Variants in VWA3B observed in about 807,000 individuals in gnomAD.
The protein encoded by VWA3B is von Willebrand factor A domain-containing protein 3B.
Under a neutral mutation model 158.3 loss-of-function variants are expected in VWA3B, and 138 were observed. That is an observed-to-expected ratio of 0.87 (90% CI 0.76 to 1.00). VWA3B has a LOEUF of 1.00. Among genes scored for constraint, VWA3B ranks in the 50% least tolerant of loss-of-function variants. The pLI, the probability that VWA3B is intolerant of heterozygous loss-of-function variation, is 0.00. For missense variants in VWA3B, 1,555 were observed against 1,565.1 expected (o/e 0.99, Z 0.11); for synonymous variants, 596 against 587.3 (o/e 1.01, Z -0.21).
At chr2:98,124,278 AG>A (rs1184595066) in intron 5 of VWA3B, among the ~76,000 whole-genome samples, 1 of 152,212 alleles carries the variant, frequency 6.6e-6, no homozygotes, top group Admixed American at 6.5e-5. Flanking sequence ...TTTGAGGGGA[AG>A]ATGTGGGTCC....
intron 8 of VWA3B, among the ~76,000 whole-genome samples, chr2:98,172,845 A>G (rs75189669): frequency 6.6e-6 from 1 of 152,188 alleles, no homozygotes; most frequent in East Asian, 1.9e-4. Flanking sequence ...GAAATAAAGG[A>G]CGCAATTGAC....
chr2:98,281,063 A>G (rs984476315), intron 22 of VWA3B, among the ~76,000 whole-genome samples: 1 of 152,136 alleles, frequency 6.6e-6, no homozygotes, highest in African/African-American at 2.4e-5. Flanking sequence ...CGCCCCGGAG[A>G]TGCTGGGCAG....
intron 7 of VWA3B, among the ~76,000 whole-genome samples, chr2:98,150,786 A>G (rs1339600546): frequency 6.6e-6 from 1 of 152,202 alleles, no homozygotes; most frequent in Non-Finnish European, 1.5e-5. Context: ...TCTCCGCACC[A>G]TCCTCTGACA....
At chr2:98,106,236 T>G (rs1225701472) in intron 2 of VWA3B, among the ~76,000 whole-genome samples, 1 of 152,164 alleles carries the variant, frequency 6.6e-6, no homozygotes, top group African/African-American at 2.4e-5. Context: ...ATTTGTTCTA[T>G]TCATCTGTGT....
At chr2:98,205,341 T>C (rs965046611) in intron 12 of VWA3B, among the ~76,000 whole-genome samples, 1 of 152,224 alleles carries the variant, frequency 6.6e-6, no homozygotes, top group African/African-American at 2.4e-5. Flanking sequence ...TATTCTCTTA[T>C]TGTCCTGTCA....
At position 98,297,946 on chromosome 2, in the gene VWA3B, T is replaced by G; in HGVS notation, c.3197T>G (p.Val1066Gly). 6.3e-7 allele frequency: 1 copy of G among 1,585,122 alleles called. No individual in the cohort carries two copies. Among genetic ancestry groups the G allele is most frequent in the Non-Finnish European group, 8.6e-7 (1 of 1,165,356 alleles). Residue 1066 changes from valine (V) to glycine (G), a missense_variant, in exon 24 of 28, where the codon GTG (valine) becomes GGG (glycine). Physicochemically the swap from Val to Gly is moderately radical, Grantham distance 109. Coordinates refer to ENST00000477737, the MANE Select transcript of VWA3B (RefSeq NM_144992.5). ...KKCVSRTQALVGFSYGDTKVV... is the reference protein window; with the variant it reads ...KKCVSRTQALGGFSYGDTKVV... Reference sequence around the variant, plus strand: ...TGTGTGAGCCGCACCCAAGCACTGGTGGGCTTCAGTTACGGAGACACCAAG... The same window carrying G: ...TGTGTGAGCCGCACCCAAGCACTGGGGGGCTTCAGTTACGGAGACACCAAG...
intron 8 of VWA3B, among the ~76,000 whole-genome samples, chr2:98,165,926 G>T (rs889576657): frequency 1.3e-5 from 2 of 152,208 alleles, no homozygotes; most frequent in African/African-American, 4.8e-5. Flanking sequence ...CAAAGAGAAT[G>T]GGGAGCCTGC....
rs1338475590 is a variant in VWA3B, at chr2:98,193,618, T to C, written c.1605+582T>C. Among the ~76,000 whole-genome samples the C allele has an allele frequency of 2.6e-5, 4 of 151,358 alleles. No homozygotes were observed. The East Asian group carries it at 5.8e-4, about 22-fold the overall frequency. ...ATGCACTTTTTTTTTTTTTTTGAGA[T>C]GGAGTCTCACTGTGTCGTCCAGTCT... On this transcript the variant is annotated intron_variant, in intron 11 of 27. Transcript: ENST00000477737.
At chr2:98,226,186 T>C (rs1015259033) in intron 14 of VWA3B, among the ~76,000 whole-genome samples, 1 of 152,220 alleles carries the variant, frequency 6.6e-6, no homozygotes, top group African/African-American at 2.4e-5. Context: ...TAAGGCTTAC[T>C]ATGTAGCTGC....
chr2:98,287,038 G>A (rs1689206347), intron 22 of VWA3B, among the ~76,000 whole-genome samples: 1 of 152,180 alleles, frequency 6.6e-6, no homozygotes, highest in Admixed American at 6.5e-5. Context: ...CTCCTTTAGA[G>A]TTTTAGGCTC....
chr2:98,278,675 C>T (rs1165671371), intron 22 of VWA3B, among the ~76,000 whole-genome samples: 1 of 152,166 alleles, frequency 6.6e-6, no homozygotes, highest in African/African-American at 2.4e-5. Flanking sequence ...TCAACGACGT[C>T]AGGCTGCTGC....
chr2:98,247,460 C>CT (rs1475172636), intron 19 of VWA3B, among the ~76,000 whole-genome samples: 1 of 152,110 alleles, frequency 6.6e-6, no homozygotes, highest in Non-Finnish European at 1.5e-5. Flanking sequence ...GACATGTAAT[C>CT]TTTTTTGACT....
intron 2 of VWA3B, among the ~76,000 whole-genome samples, chr2:98,111,876 A>T (rs1188424019): frequency 2.6e-5 from 4 of 152,054 alleles, no homozygotes; most frequent in Admixed American, 2.6e-4. Context: ...TTGTCTGCTT[A>T]CTCTGTTGAT....
At chr2:98,149,840 G>A (rs969559776) in intron 7 of VWA3B, among the ~76,000 whole-genome samples, 1 of 152,164 alleles carries the variant, frequency 6.6e-6, no homozygotes, top group African/African-American at 2.4e-5. Context: ...GTTTTTGAAA[G>A]TTTTCAAAGT....
intron 11 of VWA3B, among the ~76,000 whole-genome samples, chr2:98,193,410 A>T (rs1479938432): frequency 6.6e-6 from 1 of 152,144 alleles, no homozygotes; most frequent in Non-Finnish European, 1.5e-5. Context: ...GCTGGTGTTT[A>T]GAAGCTCCCA....
intron 19 of VWA3B, chr2:98,245,555 C>T (rs1406426925): frequency 6.6e-6 from 3 of 456,898 alleles, no homozygotes; most frequent in Non-Finnish European, 8.8e-6. Flanking sequence ...CACACTGAAG[C>T]ACACAATGGC....
At chr2:98,285,571 A>G (rs1689121169) in intron 22 of VWA3B, among the ~76,000 whole-genome samples, 1 of 151,916 alleles carries the variant, frequency 6.6e-6, no homozygotes, top group Non-Finnish European at 1.5e-5. Flanking sequence ...ATAAGGATTT[A>G]CTTCTGGACT....
chr2:98,211,956 T>C lies in VWA3B; in HGVS notation c.1764T>C (p.Ser588=), dbSNP rs1487930192. The C allele has an allele frequency of 1.1e-5, 18 of 1,614,060 alleles. No homozygotes were observed. The highest frequency in any genetic ancestry group is 2.7e-5 in the African/African-American group (2 of 74,928). The change falls in exon 13 of 28, where the codon AGT becomes AGC. Residue 588 remains serine, a synonymous_variant. Transcript: ENST00000477737. The stretch of plus-strand genomic sequence containing the variant: ...TTGGAAGCTCCACAAACACCCTGAG[T>C]GCCCTGAAAACTGCTTTTGCTGATA... ...IKIGSSTNTL[S]ALKTAFADKE... is the part of the protein sequence containing the mutation.
At chr2:98,232,347 G>C (rs1193696268) in intron 16 of VWA3B, among the ~76,000 whole-genome samples, 1 of 152,140 alleles carries the variant, frequency 6.6e-6, no homozygotes, top group Non-Finnish European at 1.5e-5. Context: ...TTAGTGCTTT[G>C]ATCTGTCTTC....
Sources: gnomAD v4.1 joint callset for allele counts (sites outside exome capture counted in the v4.1 genomes callset) on GRCh38, gnomAD v4.1.1 for gene constraint, MANE v1.5 for transcripts, NCBI Gene and HGNC (gene_info 2026-07-23, HGNC 2026-07-21) for gene names.